PLIN4: variants seen among roughly 807,000 people sequenced by gnomAD.
PLIN4 encodes perilipin-4.
In PLIN4, 57 loss-of-function variants were observed where a neutral mutation model predicts 52.4. That is an observed-to-expected ratio of 1.09 (90% CI 0.88 to 1.36). The LOEUF is 1.36. Ranked by LOEUF, PLIN4 falls within the 40% of genes most tolerant of loss-of-function variation. The pLI, the probability that PLIN4 is intolerant of heterozygous loss-of-function variation, is 0.00. For synonymous variants in PLIN4, 826 were observed against 785.4 expected (o/e 1.05, Z -0.86); for missense variants, 1,757 against 1,770.3 (o/e 0.99, Z 0.13).
At position 4,518,098 on chromosome 19, in the gene PLIN4, C is replaced by T. The variant is rs184994052; in HGVS notation, c.51+124G>A. On this transcript the variant is annotated intron_variant, in intron 2 of 7. Coordinates refer to ENST00000301286, the MANE Select transcript of PLIN4 (RefSeq NM_001367868.2). ...ATTGGCATCATGGCTCCCAGACCGC[C>T]CCCACCAGCCCACCAGGGAAGCACC... 3.7e-5 allele frequency: 32 copies of T among 864,956 alleles called. No individual in the cohort carries two copies. The Admixed American group carries it at 7.4e-4, about 20-fold the overall frequency. 53.6% of individuals were successfully genotyped at this position (864,956 alleles called of 1,614,324 possible).
intron 4 of PLIN4, among the ~76,000 whole-genome samples, chr19:4,514,328 G>C (rs957440916): frequency 9.5e-4 from 144 of 152,160 alleles, no homozygotes; most frequent in African/African-American, 3.4e-3. Flanking sequence ...CACACCTGTA[G>C]TCCCAGCTAT....
At chr19:4,508,164 C>G (rs573261921) in intron 6 of PLIN4, among the ~76,000 whole-genome samples, 1 of 152,202 alleles carries the variant, frequency 6.6e-6, no homozygotes, top group African/African-American at 2.4e-5. Flanking sequence ...AGAGCTGTCT[C>G]CCCATCGGTC....
chr19:4,514,230 T>C (rs1179695127), intron 4 of PLIN4, among the ~76,000 whole-genome samples: 1 of 152,106 alleles, frequency 6.6e-6, no homozygotes, highest in East Asian at 1.9e-4. Context: ...GGTGGGAGGA[T>C]CACTTGAGCC....
rs1372013517 is a variant in PLIN4 at position 4,512,007 on chromosome 19, A to T, written c.1953T>A (p.Thr651=). The change falls in exon 5 of 8, where the codon ACT becomes ACA. Residue 651 remains threonine (T), a synonymous_variant. Transcript: ENST00000301286. ...AVNVAKGAVQ[T]GLKTTQNIAT... is the part of the protein sequence containing the mutation. ...CGATATTTTGGGTCGTTTTCAGCCC[A>T]GTTTGCACAGCCCCCTTGGCCACGT... 1 of 1,607,012 alleles carries T rather than the reference A, an allele frequency of 6.2e-7. No homozygotes were observed. Among genetic ancestry groups the T allele is most frequent in the Non-Finnish European group, 8.5e-7 (1 of 1,177,296 alleles).
rs186552266 is a variant in PLIN4, at chr19:4,504,353, G to A, written c.*106C>T. ...GCCAGCTGCAGCCCCAAAGGTCTAG[G>A]GCTTTAGGGAACCGATCCAGGTTTG... On this transcript the variant is annotated 3_prime_UTR_variant, in exon 8 of 8. Coordinates refer to ENST00000301286, the MANE Select transcript of PLIN4 (RefSeq NM_001367868.2). 3.1e-4 allele frequency: 359 copies of A among 1,168,916 alleles called. No homozygotes were observed. In the African/African-American group the frequency reaches 4.5e-3, roughly 15 times the overall value. 72.4% of individuals were successfully genotyped at this position (1,168,916 alleles called of 1,614,324 possible).
chr19:4,503,735 AC>A lies in PLIN4; in HGVS notation c.*723del, dbSNP rs879219279. 6.6e-6 allele frequency: 1 copy of A among 152,474 alleles called. No individual in the cohort carries two copies. The highest frequency in any genetic ancestry group is 1.5e-5 in the Non-Finnish European group (1 of 68,530). The allele number at this position is 152,474 out of a possible 1,614,324, so 9.4% of individuals were successfully genotyped here. A position where few individuals can be genotyped will look rare whatever the true frequency, so the allele number is the denominator to read the frequency against. On this transcript the variant is annotated 3_prime_UTR_variant, in exon 8 of 8. Transcript: ENST00000301286. ...AGCAGCCTGTTTGCTTGTTTTTTGCACCCCCCACCCCCTGCAAACTGCTCAG... is the reference window on the plus strand; with the variant it reads ...AGCAGCCTGTTTGCTTGTTTTTTGCACCCCCACCCCCTGCAAACTGCTCAG...
At chr19:4,508,001 C>A (rs1223220277) in intron 6 of PLIN4, among the ~76,000 whole-genome samples, 1 of 152,164 alleles carries the variant, frequency 6.6e-6, no homozygotes, top group African/African-American at 2.4e-5. Flanking sequence ...TGGGTCCTTT[C>A]CTGCGTGCGT....
chr19:4,515,479 G>A (rs1271990148), intron 4 of PLIN4, among the ~76,000 whole-genome samples: 1 of 152,012 alleles, frequency 6.6e-6, no homozygotes, highest in Non-Finnish European at 1.5e-5. Flanking sequence ...ATGTTGGCCA[G>A]GCTGGTCTCA....
chr19:4,510,183 G>A (rs926092448), intron 5 of PLIN4, among the ~76,000 whole-genome samples: 28 of 151,992 alleles, frequency 1.8e-4, no homozygotes, highest in Non-Finnish European at 2.9e-4. Flanking sequence ...TGGCTAACAC[G>A]GTGAAACCCT....
At position 4,513,594 on chromosome 19, in the gene PLIN4, C is replaced by G; in HGVS notation, c.366G>C (p.Gln122His). 1 of 1,605,754 alleles carries G rather than the reference C, an allele frequency of 6.2e-7. No homozygotes were observed. Among genetic ancestry groups the G allele is most frequent in the Non-Finnish European group, 8.5e-7 (1 of 1,176,612 alleles). The change falls in exon 5 of 8, where the codon CAG becomes CAC. Residue 122 changes from glutamine to histidine, a missense_variant. By Grantham distance (24) the Gln-to-His change is conservative. Around this residue, in one of 7 missense-constraint regions of PLIN4, gnomAD observed 332 missense variants for 310.8 expected, o/e 1.07. Transcript: ENST00000301286. ...SVVDVAKGVV[Q>H]GGLDTTRSAL... Reference sequence around the variant, plus strand: ...CAGACCGAGTGGTGTCCAGGCCTCCCTGGACCACTCCCTTAGCCACGTCCA... The same window carrying G: ...CAGACCGAGTGGTGTCCAGGCCTCCGTGGACCACTCCCTTAGCCACGTCCA...
intron 3 of PLIN4, 150 bp from the exon 4 acceptor site, chr19:4,516,828 T>C: frequency 1.2e-6 from 1 of 846,942 alleles, no homozygotes; most frequent in Non-Finnish European, 1.7e-6. Flanking sequence ...CATCCACGGC[T>C]ACCAGCCAGA....
chr19:4,518,044 C>T (rs192604678), intron 2 of PLIN4, among the ~76,000 whole-genome samples, 178 bp downstream of exon 2: 7 of 152,286 alleles, frequency 4.6e-5, no homozygotes, highest in East Asian at 1.9e-4. Flanking sequence ...GTGGGTCCCC[C>T]GCCTCCAGCT....
At position 4,509,310 on chromosome 19, in the gene PLIN4, C is replaced by CAAAA. The variant is rs71168909; in HGVS notation, c.3515-359_3515-356dup. ...TGGGTAAGAGTGCGAGACTCCGTCT[C>CAAAA]AAAAAAAAAAAAAAAGTTAAGTGAG... On this transcript the variant is annotated intron_variant, in intron 5 of 7. Coordinates refer to ENST00000301286, the MANE Select transcript of PLIN4 (RefSeq NM_001367868.2). Among the ~76,000 whole-genome samples, 44 of 15,802 alleles carry CAAAA rather than the reference C, an allele frequency of 2.8e-3. 12 individuals are homozygous for CAAAA. Among genetic ancestry groups the CAAAA allele is most frequent in the Non-Finnish European group, 3.4e-3 (27 of 7,872 alleles). The allele number at this position is 15,802 out of a possible 152,430, so 10.4% of individuals were successfully genotyped here.
chr19:4,504,870 A>T lies in PLIN4; in HGVS notation c.3780T>A (p.Ala1260=), dbSNP rs747059302. Residue 1260 remains alanine, a synonymous_variant, in exon 7 of 8, where the codon GCT becomes GCA. Coordinates refer to ENST00000301286, the MANE Select transcript of PLIN4 (RefSeq NM_001367868.2). The stretch of plus-strand genomic sequence containing the variant: ...CCTGTGCCAGACCCACCTCCTGGAC[A>T]GCAGCGTCCTCCGCACTGGCACCTG... ...QGSGASAEDA[A]VQEERDAGVL... The T allele has an allele frequency of 6.2e-7, 1 of 1,606,558 alleles. No individual in the cohort carries two copies. The highest frequency in any genetic ancestry group is 1.3e-5 in the African/African-American group (1 of 74,968).
At position 4,502,238 on chromosome 19, in the gene PLIN4, C is replaced by T. The variant is rs1975932490; in HGVS notation, c.*2221G>A. ...CACTTTTATTGGCTTGGTTTTCTAG[C>T]ATTGCTGGTGCAGTGGGGGCCTGAG... On this transcript the variant is annotated 3_prime_UTR_variant, in exon 8 of 8. Transcript: ENST00000301286. 2 of 623,586 alleles carry T rather than the reference C, an allele frequency of 3.2e-6. No individual in the cohort carries two copies. The highest frequency in any genetic ancestry group is 2.5e-5 in the Admixed American group (1 of 40,712). The allele number at this position is 623,586 out of a possible 1,614,324, so 38.6% of individuals were successfully genotyped here.
chr19:4,502,281 G>A lies in PLIN4; in HGVS notation c.*2178C>T. On this transcript the variant is annotated 3_prime_UTR_variant, in exon 8 of 8. Transcript: ENST00000301286. ...GGCCTGAGCTGGGGCGCAGGCGGCA[G>A]TGTCACTGGGCCCGTTTGGGACTGG... 1.9e-6 allele frequency: 1 copy of A among 524,020 alleles called. No individual in the cohort carries two copies. Among genetic ancestry groups the A allele is most frequent in the Non-Finnish European group, 3.5e-6 (1 of 286,772 alleles). The allele number at this position is 524,020 out of a possible 1,614,324, so 32.5% of individuals were successfully genotyped here. A position where few individuals can be genotyped will look rare whatever the true frequency, so the allele number is the denominator to read the frequency against.
rs1976179774 is a variant in PLIN4, at chr19:4,508,818, G to A, written c.3652C>T (p.Gln1218Ter). Residue 1218 changes from glutamine to a stop codon, truncating the protein, a stop_gained, in exon 6 of 8, where the codon CAG becomes TAG. Transcript: ENST00000301286. LOFTEE classifies it high-confidence loss of function. ...GCCAGAGTGTCCCTGGCTTGGAACTGGCCGTGCTGCAGGTGGCTCACCGCG... is the reference window on the plus strand; with the variant it reads ...GCCAGAGTGTCCCTGGCTTGGAACTAGCCGTGCTGCAGGTGGCTCACCGCG... ...EHAVSHLQHG[Q>*]FQARDTLAQL... 3.1e-6 allele frequency: 5 copies of A among 1,602,086 alleles called. No individual in the cohort carries two copies. The highest frequency in any genetic ancestry group is 4.3e-6 in the Non-Finnish European group (5 of 1,174,748).
In PLIN4 at chr19:4,504,821, T is replaced by TGGGCG. The variant is rs776360501; in HGVS notation, c.3789+35_3790-37dup. On this transcript the variant is annotated intron_variant, in intron 7 of 7. Coordinates refer to ENST00000301286, the MANE Select transcript of PLIN4 (RefSeq NM_001367868.2). ...AAGGCGCAAGGTGAGTGGAGACCCA[T>TGGGCG]GGGCGGGGTGGGGGGACCCTAGCCC... 1.9e-5 allele frequency: 30 copies of TGGGCG among 1,602,984 alleles called. No homozygotes were observed. The African/African-American group carries it at 3.5e-4, about 19-fold the overall frequency.
At position 4,512,996 on chromosome 19, in the gene PLIN4, C is replaced by T. The variant is rs1249920258; in HGVS notation, c.964G>A (p.Gly322Ser). 13 of 545,064 alleles carry T rather than the reference C, an allele frequency of 2.4e-5. 3 individuals carry two copies. Among genetic ancestry groups the T allele is most frequent in the African/African-American group, 1.3e-4 (3 of 22,462 alleles). 33.8% of individuals were successfully genotyped at this position (545,064 alleles called of 1,614,324 possible). A position where few individuals can be genotyped will look rare whatever the true frequency, so the allele number is the denominator to read the frequency against. ...AGGACAGTCTTACTGGTGTCCACGC[C>T]GGTCTGGATGGTTCCTTTGGCCACA... is the stretch of plus-strand genomic sequence containing the variant. ...MNVAKGTIQT[G>S]VDTSKTVLTG... Residue 322 changes from glycine (G) to serine (S), a missense_variant, in exon 5 of 8, where the codon GGC becomes AGC. Around this residue, in one of 7 missense-constraint regions of PLIN4, gnomAD observed 99 missense variants for 143.4 expected, o/e 0.69. Transcript: ENST00000301286.
Sources: allele counts gnomAD v4.1 joint callset (sites outside exome capture counted in the v4.1 genomes callset), GRCh38; gene constraint gnomAD v4.1.1; regional missense constraint gnomAD v4.1.1; transcripts MANE v1.5; gene names NCBI Gene and HGNC (gene_info 2026-07-23, HGNC 2026-07-21).